Variants in USB1 observed in about 807,000 individuals in gnomAD.
USB1 encodes U6 snRNA biogenesis phosphodiesterase 1.
Under a neutral mutation model 29.9 loss-of-function variants are expected in USB1, and 21 were observed. The ratio of observed to expected loss-of-function variants is 0.70; its 90% confidence interval spans 0.50 to 1.01. The LOEUF (loss-of-function observed/expected upper bound fraction) is 1.01. Ranked by LOEUF, USB1 falls within the 50% of genes least tolerant of loss-of-function variation. The pLI, the probability that USB1 is intolerant of heterozygous loss-of-function variation, is 0.00. For synonymous variants in USB1, 143 were observed against 134.9 expected (o/e 1.06, Z -0.42); for missense variants, 330 against 347.1 (o/e 0.95, Z 0.39).
chr16:58,017,219 C>A, intron 4 of USB1, 115 bp from the exon 5 acceptor site: 1 of 869,092 alleles, frequency 1.2e-6, no homozygotes, highest in Non-Finnish European at 2.0e-6. Context: ...ACCAGGGAGA[C>A]GGTGAGACCC....
chr16:58,012,480 GC>G, intron 3 of USB1: 1 of 1,170,276 alleles, frequency 8.5e-7, no homozygotes, highest in Admixed American at 2.1e-5. Flanking sequence ...ACCACCACAG[GC>G]AGACTGTTCA....
At chr16:58,000,247 TG>T (rs1220206260), upstream of USB1, among the ~76,000 whole-genome samples, 1 of 151,890 alleles carries the variant, frequency 6.6e-6, no homozygotes, top group East Asian at 1.9e-4. This position sits in a 1 kb window ranked among gnomAD's most constrained non-coding sequence, Gnocchi z 4.5. Flanking sequence ...AGGAAGCGGC[TG>T]CGCCTCGAGG....
At chr16:58,011,105 G>A (rs1259291483) in intron 3 of USB1, 4 of 1,099,004 alleles carry the variant, frequency 3.6e-6, no homozygotes, top group Non-Finnish European at 5.3e-6. Flanking sequence ...CTCTGCGTCA[G>A]GAGCCAGGAT....
intron 3 of USB1, chr16:58,010,674 A>G (rs998105246): frequency 5.3e-5 from 15 of 282,328 alleles, no homozygotes; most frequent in Non-Finnish European, 9.5e-5. Flanking sequence ...TCAGGCAAAC[A>G]GTCCACTTAC....
rs1963518588 is a variant in USB1 at position 58,012,492 on chromosome 16, C to T, written c.450-1781C>T. 4 of 1,185,524 alleles carry T rather than the reference C, an allele frequency of 3.4e-6. No individual in the cohort carries two copies. The South Asian group carries it at 5.7e-5, about 17-fold the overall frequency. The allele number at this position is 1,185,524 out of a possible 1,614,324, so 73.4% of individuals were successfully genotyped here. ...GTCACCACCACAGGCAGACTGTTCA[C>T]CATCTCAGCTCTGTCCCCTTCCTTT... On this transcript the variant is annotated intron_variant, in intron 3 of 6. Coordinates refer to ENST00000219281, the MANE Select transcript of USB1 (RefSeq NM_024598.4).
At chr16:58,001,229 C>G (rs1567415234), upstream of USB1, 2 of 592,824 alleles carry the variant, frequency 3.4e-6, no homozygotes, top group African/African-American at 3.7e-5. Flanking sequence ...AATGGGTACA[C>G]GAAGGCTGGG....
intron 3 of USB1, 82 bp from the exon 4 acceptor site, chr16:58,014,191 G>A (rs986344250): frequency 1.4e-5 from 16 of 1,118,916 alleles, no homozygotes; most frequent in Non-Finnish European, 2.1e-5. Context: ...TATTTTCAAA[G>A]TGCTGTTTTT....
intron 2 of USB1, among the ~76,000 whole-genome samples, chr16:58,008,166 A>C (rs1249546456): frequency 6.6e-6 from 1 of 151,970 alleles, no homozygotes; most frequent in East Asian, 1.9e-4. Flanking sequence ...TATCCATGGG[A>C]TCTGTAATGA....
rs1963399003 is a variant in USB1, at chr16:58,007,888, C to T, written c.266-2041C>T. Among the ~76,000 whole-genome samples, 3 of 151,994 alleles carry T rather than the reference C, an allele frequency of 2.0e-5. No individual in the cohort carries two copies. In the South Asian group the frequency reaches 6.2e-4, roughly 32 times the overall value. On this transcript the variant is annotated intron_variant, in intron 2 of 6. Coordinates refer to ENST00000219281, the MANE Select transcript of USB1 (RefSeq NM_024598.4). ...ATCCCAGCTACTCGGGAGACTGAGG[C>T]AGGAGAATCGCTTGAACCTGGGAGG...
At chr16:58,012,920 A>C (rs1963532049) in intron 3 of USB1, 1 of 986,610 alleles carries the variant, frequency 1.0e-6, no homozygotes, top group African/African-American at 1.7e-5. Context: ...TGCAAGAAAT[A>C]CTGATCCCTG....
At chr16:58,009,863 C>T in intron 2 of USB1, 66 bp from the exon 3 acceptor site, 1 of 1,601,748 alleles carries the variant, frequency 6.2e-7, no homozygotes, top group Non-Finnish European at 8.6e-7. Flanking sequence ...GCCTTCTGGG[C>T]TTCTTCATTC....
chr16:58,012,725 C>A, intron 3 of USB1: 1 of 1,076,790 alleles, frequency 9.3e-7, no homozygotes. Context: ...AAGCTCTGCC[C>A]CTGGATGAAG....
Position 58,012,590 on chromosome 16 carries a change from T to C in USB1, c.450-1683T>C, listed in dbSNP as rs534888599. The stretch of plus-strand genomic sequence containing the variant: ...CTGGAAAGACAGCCTCCCTCTCTGA[T>C]TGGCTTCAGCACAAGTCACAGGAAT... On this transcript the variant is annotated intron_variant, in intron 3 of 6. Transcript: ENST00000219281. The C allele has an allele frequency of 1.9e-3, 2,603 of 1,393,276 alleles. 3 individuals are homozygous for C. Among genetic ancestry groups the C allele is most frequent in the Non-Finnish European group, 2.3e-3 (2,517 of 1,075,146 alleles). 86.3% of individuals were successfully genotyped at this position (1,393,276 alleles called of 1,614,324 possible).
intron 3 of USB1, chr16:58,012,863 G>T (rs1391545409): frequency 2.0e-6 from 2 of 987,350 alleles, no homozygotes; most frequent in Non-Finnish European, 2.4e-6. Flanking sequence ...CCTTAACTGG[G>T]CACGAGTCCC....
rs183837780 is a variant in USB1 at position 58,010,760 on chromosome 16, G to A, written c.449+648G>A. 314 of 514,736 alleles carry A rather than the reference G, an allele frequency of 6.1e-4. 2 individuals are homozygous for A. The East Asian group carries it at 0.01, about 17-fold the overall frequency. The allele number at this position is 514,736 out of a possible 1,614,324, so 31.9% of individuals were successfully genotyped here. On this transcript the variant is annotated intron_variant, in intron 3 of 6. Coordinates refer to ENST00000219281, the MANE Select transcript of USB1 (RefSeq NM_024598.4). Reference sequence around the variant, plus strand: ...CCAGATGAAGAGATAGGTAGGGTGAGGTCTGGAAGGGTCCCGAGCATGGGA... The same window carrying A: ...CCAGATGAAGAGATAGGTAGGGTGAAGTCTGGAAGGGTCCCGAGCATGGGA...
intron 2 of USB1, among the ~76,000 whole-genome samples, chr16:58,007,931 C>T (rs747766439): frequency 5.9e-5 from 9 of 151,900 alleles, no homozygotes; most frequent in Non-Finnish European, 1.3e-4. Flanking sequence ...TGCAGTGAAC[C>T]AAGATTGCAC....
chr16:58,011,786 A>T (rs948461052), intron 3 of USB1: 3 of 988,296 alleles, frequency 3.0e-6, no homozygotes, highest in Non-Finnish European at 3.6e-6. Flanking sequence ...CCTCCAGGCC[A>T]GGACTGTGGC....
At position 58,002,608 on chromosome 16, in the gene USB1, C is replaced by T. The variant is rs549783755; in HGVS notation, c.228C>T (p.His76=). Residue 76 remains histidine, a synonymous_variant, in exon 2 of 7, where the codon CAC becomes CAT. Transcript: ENST00000219281. ...KHGGRVRTFP[H]ERGNWATHVY... ...GGGGACGGGTGCGCACCTTCCCCCACGAGCGAGGCAACTGGGCCACCCACG... is the reference window on the plus strand; with the variant it reads ...GGGGACGGGTGCGCACCTTCCCCCATGAGCGAGGCAACTGGGCCACCCACG... 2.2e-5 allele frequency: 36 copies of T among 1,613,942 alleles called. No individual in the cohort carries two copies. The highest frequency in any genetic ancestry group is 1.2e-4 in the African/African-American group (9 of 74,988).
At position 58,010,082 on chromosome 16, in the gene USB1, C is replaced by T. The variant is rs1368704288; in HGVS notation, c.419C>T (p.Ala140Val). The T allele has an allele frequency of 1.9e-6, 3 of 1,614,150 alleles. No homozygotes were observed. Among genetic ancestry groups the T allele is most frequent in the Non-Finnish European group, 2.5e-6 (3 of 1,180,024 alleles). ...CACTGGATCCTCCCCTTCGTGCAGG[C>T]TCTGAAAGCCCGTATGACCTCCTTC... ...RHHWILPFVQ[A>V]LKARMTSFHR... The change falls in exon 3 of 7, where the codon GCT becomes GTT. Residue 140 changes from alanine to valine, a missense_variant. Coordinates refer to ENST00000219281, the MANE Select transcript of USB1 (RefSeq NM_024598.4).
Sources: gnomAD v4.1 joint callset for allele counts (sites outside exome capture counted in the v4.1 genomes callset) on GRCh38, gnomAD v4.1.1 for gene constraint, Gnocchi (gnomAD v3.1) non-coding constraint, MANE v1.5 for transcripts, NCBI Gene and HGNC (gene_info 2026-07-23, HGNC 2026-07-21) for gene names.